The following ZFHX2 variants were observed in gnomAD, a reference collection of about 807,000 sequenced individuals.
ZFHX2 encodes zinc finger homeobox 2, also known as zinc finger homeobox protein 2.
A neutral mutation model predicts 164.8 loss-of-function variants in ZFHX2; 75 were observed. The observed-to-expected ratio is 0.46, with a 90% CI of 0.38 to 0.55. ZFHX2 has a LOEUF of 0.55. Among genes scored for constraint, ZFHX2 ranks in the 20% least tolerant of loss-of-function variants. The probability of loss-of-function intolerance (pLI) is 0.00; values close to 1 mark genes in which losing one functional copy is unlikely to be tolerated. For synonymous variants in ZFHX2, 1,217 were observed against 1,351.4 expected, an observed-to-expected ratio of 0.90 and a Z score of 2.18; for missense variants, 2,933 against 3,308.0, an observed-to-expected ratio of 0.89 and a Z score of 2.78.
chr14:23,530,196 T>A lies in ZFHX2; in HGVS notation c.2801-2A>T. On this transcript the variant is annotated splice_acceptor_variant, in intron 4 of 9. Transcript: ENST00000419474. LOFTEE classifies it high-confidence loss of function. ...CTAAGGGGGTGACAGGAGCCTTCCC[T>A]GTGTAGGATGGGGGGAGAGTCAGCT... 1 of 1,530,432 alleles carries A rather than the reference T, an allele frequency of 6.5e-7. No individual in the cohort carries two copies. Among genetic ancestry groups the A allele is most frequent in the Non-Finnish European group, 8.8e-7 (1 of 1,142,112 alleles). The allele number at this position is 1,530,432 out of a possible 1,614,324, so 94.8% of individuals were successfully genotyped here. A position where few individuals can be genotyped will look rare whatever the true frequency, so the allele number is the denominator to read the frequency against.
rs1319042682 is a variant in ZFHX2, at chr14:23,531,501, T to C, written c.2780A>G (p.His927Arg). Reference protein sequence around the residue: ...AALQSILSFSHGQLRTPGKAP... With the variant: ...AALQSILSFSRGQLRTPGKAP... ...CTCACCGGGAGTCCGGAGCTGCCCG[T>C]GGCTGAAGCTCAGGATGCTCTGAAG... is the stretch of plus-strand genomic sequence containing the variant. The change falls in exon 4 of 10, where the codon CAC (histidine) becomes CGC (arginine). Residue 927 changes from histidine (H) to arginine (R), a missense_variant. Transcript: ENST00000419474. 4 of 1,439,104 alleles carry C rather than the reference T, an allele frequency of 2.8e-6. No individual in the cohort carries two copies. The East Asian group carries it at 7.9e-5, about 29-fold the overall frequency. 89.1% of individuals were successfully genotyped at this position (1,439,104 alleles called of 1,614,324 possible). A position where few individuals can be genotyped will look rare whatever the true frequency, so the allele number is the denominator to read the frequency against.
chr14:23,525,980 G>T lies in ZFHX2; in HGVS notation c.3962C>A (p.Pro1321His), dbSNP rs761526707. 9.2e-6 allele frequency: 14 copies of T among 1,517,522 alleles called. No homozygotes were observed. In the South Asian group the frequency reaches 1.8e-4, roughly 19 times the overall value. 94.0% of individuals were successfully genotyped at this position (1,517,522 alleles called of 1,614,324 possible). A position where few individuals can be genotyped will look rare whatever the true frequency, so the allele number is the denominator to read the frequency against. The stretch of plus-strand genomic sequence containing the variant: ...GGGAGGTGGGGGAGGGGACAGGAAA[G>T]GCAATCCAGATATGAAGCCACTGGT... The part of the protein sequence containing the change: ...PDTSGFISGL[P>H]FLSPPPPPLD... The change falls in exon 9 of 10, where the codon CCT (proline) becomes CAT (histidine). Residue 1321 changes from proline to histidine, a missense_variant. Pro to His is a moderately conservative substitution (Grantham distance 77). Transcript: ENST00000419474. The surrounding 1 kb of genome is among the most constrained non-coding windows in gnomAD (Gnocchi z 5.9).
intron 3 of ZFHX2, chr14:23,531,967 G>A: frequency 3.0e-6 from 1 of 337,638 alleles, no homozygotes; most frequent in Non-Finnish European, 4.9e-6. Flanking sequence ...GTACAGATGG[G>A]GTTTCACCAT....
chr14:23,533,001 G>A lies in ZFHX2; in HGVS notation c.2125C>T (p.Pro709Ser), dbSNP rs1333318152. ...SSSDSLPTSP[P>S]PDDSLSLKVF... is the part of the protein sequence containing the mutation. ...TTCAGGGACAGGCTGTCGTCTGGGG[G>A]TGGTGAGGTGGGCAGGCTGTCAGAT... Residue 709 changes from proline to serine, a missense_variant, in exon 3 of 10, where the codon CCC becomes TCC. Transcript: ENST00000419474. The surrounding 1 kb of genome is among the most constrained non-coding windows in gnomAD (Gnocchi z 4.8). 1.3e-6 allele frequency: 2 copies of A among 1,536,056 alleles called. No homozygotes were observed. Among genetic ancestry groups the A allele is most frequent in the Non-Finnish European group, 1.7e-6 (2 of 1,146,906 alleles).
chr14:23,550,776 C>T (rs1476631071), intron 1 of ZFHX2, among the ~76,000 whole-genome samples: 1 of 152,164 alleles, frequency 6.6e-6, no homozygotes, highest in Non-Finnish European at 1.5e-5. Flanking sequence ...GAATGGAAAG[C>T]CCAACTTCAG....
In ZFHX2 at chr14:23,533,372, G is replaced by T; in HGVS notation, c.1954C>A (p.Leu652Met). 2.7e-6 allele frequency: 4 copies of T among 1,454,682 alleles called. No individual in the cohort carries two copies. Among genetic ancestry groups the T allele is most frequent in the Non-Finnish European group, 3.6e-6 (4 of 1,107,338 alleles). 90.1% of individuals were successfully genotyped at this position (1,454,682 alleles called of 1,614,324 possible). ...GCTTCCAGGGGCTTGTCTGGCCTCA[G>T]CCCCGGGCCAGCCAAGGGAGTCTGA... ...QPQTPLAGPG[L>M]RPDKPLEAQL... Residue 652 changes from leucine to methionine, a missense_variant, in exon 2 of 10, where the codon CTG (leucine) becomes ATG (methionine). Leu to Met is a conservative substitution (Grantham distance 15). Coordinates refer to ENST00000419474, the MANE Select transcript of ZFHX2 (RefSeq NM_033400.3). The surrounding 1 kb of genome is among the most constrained non-coding windows in gnomAD (Gnocchi z 4.8).
intron 1 of ZFHX2, chr14:23,544,366 G>A (rs1194099658): frequency 1.3e-5 from 2 of 152,032 alleles, no homozygotes; most frequent in Non-Finnish European, 2.9e-5. Flanking sequence ...CACTTTGGGT[G>A]TATCAATAAA....
In ZFHX2 at chr14:23,536,525, G is replaced by T. The variant is rs562887519; in HGVS notation, c.-49-1151C>A. Among the ~76,000 whole-genome samples the T allele has an allele frequency of 3.2e-4, 49 of 152,300 alleles. No individual in the cohort carries two copies. The South Asian group carries it at 0.01, about 32-fold the overall frequency. On this transcript the variant is annotated intron_variant, in intron 1 of 9. Coordinates refer to ENST00000419474, the MANE Select transcript of ZFHX2 (RefSeq NM_033400.3). ...CGGTTGCCTCCTCTTCCTCCCAAAA[G>T]AGGTAACAAATAATAAGTAATAGTA...
intron 1 of ZFHX2, among the ~76,000 whole-genome samples, chr14:23,541,046 A>G (rs572512608): frequency 2.3e-3 from 348 of 152,126 alleles, no homozygotes; most frequent in Middle Eastern, 0.01. Flanking sequence ...AGCTGGGATT[A>G]CAGGTGCATG....
At chr14:23,547,416 A>G (rs1881504389) in intron 1 of ZFHX2, among the ~76,000 whole-genome samples, 1 of 152,206 alleles carries the variant, frequency 6.6e-6, no homozygotes, top group South Asian at 2.1e-4. Context: ...TGGGGATGCT[A>G]CTTTTAATTC....
Position 23,521,853 on chromosome 14 carries a change from T to C in ZFHX2, c.*109A>G. On this transcript the variant is annotated 3_prime_UTR_variant, in exon 10 of 10. Coordinates refer to ENST00000419474, the MANE Select transcript of ZFHX2 (RefSeq NM_033400.3). ...TGGGAACTGAACAGTTCCTGTGAGG[T>C]GGGCGGGGCCAGGGGGTGGGGTGAG... is the stretch of plus-strand genomic sequence containing the variant. 1.4e-6 allele frequency: 2 copies of C among 1,478,056 alleles called. No individual in the cohort carries two copies. The highest frequency in any genetic ancestry group is 1.8e-6 in the Non-Finnish European group (2 of 1,120,660). The allele number at this position is 1,478,056 out of a possible 1,614,324, so 91.6% of individuals were successfully genotyped here.
In ZFHX2 at chr14:23,525,804, G is replaced by C. The variant is rs1430889197; in HGVS notation, c.4138C>G (p.Leu1380Val). 8 of 1,472,306 alleles carry C rather than the reference G, an allele frequency of 5.4e-6. No homozygotes were observed. Among genetic ancestry groups the C allele is most frequent in the Non-Finnish European group, 7.2e-6 (8 of 1,116,678 alleles). 91.2% of individuals were successfully genotyped at this position (1,472,306 alleles called of 1,614,324 possible). The change falls in exon 9 of 10, where the codon CTA becomes GTA. Residue 1380 changes from leucine (L) to valine (V), a missense_variant. Coordinates refer to ENST00000419474, the MANE Select transcript of ZFHX2 (RefSeq NM_033400.3). The surrounding 1 kb of genome is among the most constrained non-coding windows in gnomAD (Gnocchi z 5.9). ...GACAGCACAGGTGCAGGCCCAGCTA[G>C]TGTCAGCTTGGGCCCCACCTTGAGA... ...HDLKVGPKLT[L>V]AGPAPVLSLP...
chr14:23,533,399 G>T lies in ZFHX2; in HGVS notation c.1927C>A (p.Pro643Thr). ...QYFGPQALGQPQTPLAGPGLR... is the reference protein window; with the variant it reads ...QYFGPQALGQTQTPLAGPGLR... ...CCCGGGCCAGCCAAGGGAGTCTGAGGCTGCCCTAGGGCCTGGGGCCCAAAG... is the reference window on the plus strand; with the variant it reads ...CCCGGGCCAGCCAAGGGAGTCTGAGTCTGCCCTAGGGCCTGGGGCCCAAAG... Residue 643 changes from proline to threonine, a missense_variant, in exon 2 of 10, where the codon CCT becomes ACT. Coordinates refer to ENST00000419474, the MANE Select transcript of ZFHX2 (RefSeq NM_033400.3). This position sits in a 1 kb window ranked among gnomAD's most constrained non-coding sequence, Gnocchi z 4.8. 6.7e-7 allele frequency: 1 copy of T among 1,484,480 alleles called. No homozygotes were observed. Among genetic ancestry groups the T allele is most frequent in the South Asian group, 1.3e-5 (1 of 76,080 alleles). 92.0% of individuals were successfully genotyped at this position (1,484,480 alleles called of 1,614,324 possible). A position where few individuals can be genotyped will look rare whatever the true frequency, so the allele number is the denominator to read the frequency against.
At chr14:23,529,574 G>T in intron 6 of ZFHX2, 136 bp downstream of exon 6, 1 of 904,698 alleles carries the variant, frequency 1.1e-6, no homozygotes. Flanking sequence ...CTGGATCTGG[G>T]TGGAATTTCT....
chr14:23,533,500 G>A lies in ZFHX2; in HGVS notation c.1826C>T (p.Pro609Leu), dbSNP rs1879819437. 1.3e-6 allele frequency: 2 copies of A among 1,536,094 alleles called. No individual in the cohort carries two copies. Among genetic ancestry groups the A allele is most frequent in the Non-Finnish European group, 8.7e-7 (1 of 1,146,884 alleles). ...MLHQGLPLGLPPGLMGPGPPP... is the reference protein window; with the variant it reads ...MLHQGLPLGLLPGLMGPGPPP... The stretch of plus-strand genomic sequence containing the variant: ...AGGGCCTGGCCCCATCAATCCAGGT[G>A]GCAGGCCCAGCGGCAGCCCCTGGTG... The change falls in exon 2 of 10, where the codon CCA becomes CTA. Residue 609 changes from proline to leucine, a missense_variant. Physicochemically the swap from Pro to Leu is moderately conservative, Grantham distance 98. Coordinates refer to ENST00000419474, the MANE Select transcript of ZFHX2 (RefSeq NM_033400.3). This position sits in a 1 kb window ranked among gnomAD's most constrained non-coding sequence, Gnocchi z 4.8.
chr14:23,534,676 G>C lies in ZFHX2; in HGVS notation c.650C>G (p.Pro217Arg). 4.6e-6 allele frequency: 7 copies of C among 1,536,192 alleles called. No individual in the cohort carries two copies. Among genetic ancestry groups the C allele is most frequent in the Middle Eastern group, 3.3e-4 (2 of 5,990 alleles). Residue 217 changes from proline (P) to arginine (R), a missense_variant, in exon 2 of 10, where the codon CCC (proline) becomes CGC (arginine). Transcript: ENST00000419474. The surrounding 1 kb of genome is among the most constrained non-coding windows in gnomAD (Gnocchi z 4.5). ...FWSYQLAPNPPGDPKDGPMGN... is the reference protein window; with the variant it reads ...FWSYQLAPNPRGDPKDGPMGN... ...CATGGGGCCATCTTTGGGATCTCCG[G>C]GTGGATTTGGAGCCAGCTGGTAGCT...
In ZFHX2 at chr14:23,522,812, G is replaced by A. The variant is rs1375190966; in HGVS notation, c.6869C>T (p.Thr2290Ile). The A allele has an allele frequency of 9.1e-6, 14 of 1,535,954 alleles. No homozygotes were observed. The highest frequency in any genetic ancestry group is 1.2e-5 in the Non-Finnish European group (14 of 1,146,706). Residue 2290 changes from threonine (T) to isoleucine (I), a missense_variant, in exon 10 of 10, where the codon ACA (threonine) becomes ATA (isoleucine). Thr to Ile is a moderately conservative substitution (Grantham distance 89, BLOSUM62 -1). Coordinates refer to ENST00000419474, the MANE Select transcript of ZFHX2 (RefSeq NM_033400.3). Reference protein sequence around the residue: ...RPMPDQTNTSTAGTTDPVPGP... With the variant: ...RPMPDQTNTSIAGTTDPVPGP... ...TGGGACAGGGTCAGTGGTGCCTGCT[G>A]TGGAGGTGTTGGTTTGGTCGGGCAT...
chr14:23,555,034 C>T (rs775649222), upstream of ZFHX2, among the ~76,000 whole-genome samples: 2 of 152,198 alleles, frequency 1.3e-5, no homozygotes, highest in Non-Finnish European at 2.9e-5. Context: ...GTCGCCCAGG[C>T]TGGAGTGCAG....
intron 1 of ZFHX2, among the ~76,000 whole-genome samples, chr14:23,549,129 T>C (rs222682): frequency 0.65 from 99,029 of 151,944 alleles, 34,109 homozygotes; most frequent in Non-Finnish European, 0.77. Context: ...TTTAGGAATA[T>C]TCTATCATTT....
Sources: allele counts gnomAD v4.1 joint callset (sites outside exome capture counted in the v4.1 genomes callset), GRCh38; gene constraint gnomAD v4.1.1; non-coding constraint Gnocchi (gnomAD v3.1); transcripts MANE v1.5; gene names NCBI Gene and HGNC (gene_info 2026-07-23, HGNC 2026-07-21).